The following WWOX variants were observed in gnomAD, a reference collection of about 807,000 sequenced individuals.
WWOX encodes WW domain-containing oxidoreductase.
Under a neutral mutation model 46.2 loss-of-function variants are expected in WWOX, and 69 were observed. The observed-to-expected ratio is 1.49, with a 90% confidence interval of 1.23 to 1.82. The LOEUF is 1.82. Among genes scored for constraint, WWOX ranks in the 40% most tolerant of loss-of-function variants. WWOX has a pLI of 0.00. For synonymous variants in WWOX, 359 were observed against 202.6 expected, an observed-to-expected ratio of 1.77 and a Z score of -6.56; for missense variants, 919 against 542.6, an observed-to-expected ratio of 1.69 and a Z score of -6.89.
chr16:78,708,978 C>T lies in WWOX; in HGVS notation c.1056+276226C>T, dbSNP rs150268315. On this transcript the variant is annotated intron_variant, in intron 8 of 8. Coordinates refer to ENST00000566780, the MANE Select transcript of WWOX (RefSeq NM_016373.4). ...CAGTGTCACTTGCACATCCATTTTG[C>T]CCTAGAAGTGTTTTAAATTTTATCA... Among the ~76,000 whole-genome samples the T allele has an allele frequency of 3.4e-3, 520 of 152,168 alleles. 2 individuals are homozygous for T. Among genetic ancestry groups the T allele is most frequent in the African/African-American group, 0.012 (497 of 41,514 alleles).
chr16:78,947,752 A>G (rs1461330187), intron 8 of WWOX, among the ~76,000 whole-genome samples: 1 of 152,172 alleles, frequency 6.6e-6, no homozygotes, highest in Non-Finnish European at 1.5e-5. Flanking sequence ...GCTATTTATA[A>G]CCATTTTCAC....
chr16:79,198,730 T>C (rs2051289688), intron 8 of WWOX, among the ~76,000 whole-genome samples: 1 of 152,216 alleles, frequency 6.6e-6, no homozygotes, highest in African/African-American at 2.4e-5. Flanking sequence ...TTCTGGACTT[T>C]TGATTCCACA....
At chr16:78,559,465 C>G (rs180777877) in intron 8 of WWOX, among the ~76,000 whole-genome samples, 1 of 150,564 alleles carries the variant, frequency 6.6e-6, no homozygotes, top group Non-Finnish European at 1.5e-5. Context: ...GAGATGTTCT[C>G]CAGCCAATGG....
chr16:78,826,507 C>T (rs944439608), intron 8 of WWOX, among the ~76,000 whole-genome samples: 14 of 152,220 alleles, frequency 9.2e-5, no homozygotes, highest in Non-Finnish European at 1.9e-4. Context: ...GACCATATCA[C>T]TCCAATCCCT....
At chr16:78,394,263 G>T (rs372594091) in intron 6 of WWOX, among the ~76,000 whole-genome samples, 1 of 152,232 alleles carries the variant, frequency 6.6e-6, no homozygotes, top group South Asian at 2.1e-4. Context: ...TCTCTACACA[G>T]TATGAAAACC....
intron 8 of WWOX, chr16:78,897,967 G>A (rs964212810): frequency 1.4e-5 from 2 of 147,528 alleles, no homozygotes; most frequent in Non-Finnish European, 3.0e-5. Flanking sequence ...TTTTCTTTCT[G>A]TGAACTGCTT....
At chr16:78,903,276 G>A (rs1355133458) in intron 8 of WWOX, among the ~76,000 whole-genome samples, 1 of 152,204 alleles carries the variant, frequency 6.6e-6, no homozygotes, top group African/African-American at 2.4e-5. Context: ...AGGCTGAAGT[G>A]AAGTTACAAA....
chr16:78,615,079 G>T (rs1020782094), intron 8 of WWOX, among the ~76,000 whole-genome samples: 15 of 152,270 alleles, frequency 9.9e-5, no homozygotes, highest in African/African-American at 2.9e-4. Flanking sequence ...TGAGTCTGGG[G>T]ACACTCTAGT....
chr16:78,401,522 A>G lies in WWOX; in HGVS notation c.605+14574A>G, dbSNP rs186859308. Among the ~76,000 whole-genome samples the G allele has an allele frequency of 7.2e-3, 1,100 of 152,158 alleles. 11 individuals are homozygous for G. The highest frequency in any genetic ancestry group is 0.016 in the South Asian group (75 of 4,822). On this transcript the variant is annotated intron_variant, in intron 6 of 8. Coordinates refer to ENST00000566780, the MANE Select transcript of WWOX (RefSeq NM_016373.4). Reference sequence around the variant, plus strand: ...CTTGTAACCTGTATCCTGTCTTGGTATTGTGGGAGTATATATGATTTAGGG... The same window carrying G: ...CTTGTAACCTGTATCCTGTCTTGGTGTTGTGGGAGTATATATGATTTAGGG...
chr16:78,505,217 C>T (rs74033003), intron 8 of WWOX, among the ~76,000 whole-genome samples: 3,251 of 152,256 alleles, frequency 0.021, 95 homozygotes, highest in African/African-American at 0.065. Flanking sequence ...GAATTCTAAT[C>T]GTCAGCCTCT....
chr16:78,832,399 A>G (rs1204998606), intron 8 of WWOX, among the ~76,000 whole-genome samples: 1 of 152,138 alleles, frequency 6.6e-6, no homozygotes, highest in Non-Finnish European at 1.5e-5. Context: ...AAGCACCGTA[A>G]CTTTAGCTAC....
chr16:78,995,685 C>T (rs777169919), intron 8 of WWOX, among the ~76,000 whole-genome samples: 1 of 152,102 alleles, frequency 6.6e-6, no homozygotes, highest in Non-Finnish European at 1.5e-5. Flanking sequence ...GCATTTGATT[C>T]TCAGGACTGG....
chr16:78,970,457 G>A (rs1393125743), intron 8 of WWOX, among the ~76,000 whole-genome samples: 1 of 152,196 alleles, frequency 6.6e-6, no homozygotes, highest in Admixed American at 6.5e-5. Flanking sequence ...AGCGATCACA[G>A]TTTATTTGGG....
intron 8 of WWOX, chr16:79,204,825 C>G (rs776460330): frequency 7.9e-5 from 12 of 152,220 alleles, no homozygotes; most frequent in African/African-American, 1.4e-4. Context: ...TTCTTTCCAG[C>G]TTTCCATCCT....
At chr16:78,841,864 A>G (rs1255540346) in intron 8 of WWOX, among the ~76,000 whole-genome samples, 1 of 152,176 alleles carries the variant, frequency 6.6e-6, no homozygotes, top group South Asian at 2.1e-4. Flanking sequence ...GGACCTTGGT[A>G]AGGGGTTATA....
intron 8 of WWOX, among the ~76,000 whole-genome samples, chr16:78,989,577 GA>G (rs951391559): frequency 6.6e-6 from 1 of 152,174 alleles, no homozygotes; most frequent in Non-Finnish European, 1.5e-5. Context: ...GAAAGACACA[GA>G]AAAAGACTTG....
At chr16:78,715,164 G>A (rs1406792656) in intron 8 of WWOX, among the ~76,000 whole-genome samples, 1 of 152,170 alleles carries the variant, frequency 6.6e-6, no homozygotes, top group African/African-American at 2.4e-5. Flanking sequence ...TGGAAACACA[G>A]AGATCAGTTA....
rs190758757 is a variant in WWOX, at chr16:78,545,224, T to C, written c.1056+112472T>C. On this transcript the variant is annotated intron_variant, in intron 8 of 8. Transcript: ENST00000566780. ...GTGACTGCAAGGGTCAAAACTTTTG[T>C]TGGGGAGCTGTTTGGACTAAGTGAA... 2.7e-3 allele frequency among the ~76,000 whole-genome samples: 411 copies of C among 152,286 alleles called. 1 individual carries two copies. Among genetic ancestry groups the C allele is most frequent in the Non-Finnish European group, 4.9e-3 (335 of 68,020 alleles).
intron 8 of WWOX, among the ~76,000 whole-genome samples, chr16:79,013,234 T>C (rs2047347952): frequency 6.6e-6 from 1 of 152,084 alleles, no homozygotes; most frequent in South Asian, 2.1e-4. Context: ...CTGTGCATCC[T>C]CCCACAGGGT....
Sources: allele counts gnomAD v4.1 joint callset (sites outside exome capture counted in the v4.1 genomes callset), GRCh38; gene constraint gnomAD v4.1.1; transcripts MANE v1.5; gene names NCBI Gene and HGNC (gene_info 2026-07-23, HGNC 2026-07-21).